TIAM1: variants seen among roughly 807,000 people sequenced by gnomAD.
The protein encoded by TIAM1 is TIAM Rac1 associated GEF 1, also known as rho guanine nucleotide exchange factor TIAM1.
TIAM1 carries 65 observed loss-of-function variants against 163.5 expected under a neutral mutation model. That is an observed-to-expected ratio of 0.40 (90% CI 0.33 to 0.49). The LOEUF (loss-of-function observed/expected upper bound fraction) is 0.49. Ranked by LOEUF, TIAM1 falls within the 20% of genes least tolerant of loss-of-function variation. The probability of loss-of-function intolerance (pLI) is 0.77; values close to 1 mark genes in which losing one functional copy is unlikely to be tolerated. For synonymous variants in TIAM1, 833 were observed against 810.1 expected (o/e 1.03, Z -0.48); for missense variants, 1,789 against 2,044.7 (o/e 0.87, Z 2.41).
At chr21:31,404,734 T>G (rs1391910315) in intron 2 of TIAM1, among the ~76,000 whole-genome samples, 1 of 152,154 alleles carries the variant, frequency 6.6e-6, no homozygotes, top group Admixed American at 6.5e-5. Context: ...GATAATGCAG[T>G]ATAGCTAAGT....
intron 16 of TIAM1, among the ~76,000 whole-genome samples, chr21:31,163,976 G>A (rs2084067572): frequency 6.6e-6 from 1 of 152,298 alleles, no homozygotes; most frequent in African/African-American, 2.4e-5. Context: ...TTTTGCGGGG[G>A]CAGTGTCGTT....
At chr21:31,439,196 T>C (rs2044329922) in intron 2 of TIAM1, among the ~76,000 whole-genome samples, 1 of 152,194 alleles carries the variant, frequency 6.6e-6, no homozygotes, top group African/African-American at 2.4e-5. Context: ...TGATTAAAAC[T>C]AGACTTGGCC....
At chr21:31,134,107 A>G (rs1307344821) in intron 23 of TIAM1, among the ~76,000 whole-genome samples, 1 of 152,108 alleles carries the variant, frequency 6.6e-6, no homozygotes, top group East Asian at 1.9e-4. Context: ...GAAACAGAAA[A>G]GAGTTTGCCA....
chr21:31,510,230 C>G (rs1292404219), intron 1 of TIAM1, among the ~76,000 whole-genome samples: 1 of 152,212 alleles, frequency 6.6e-6, no homozygotes. Flanking sequence ...GTGGTTTCTC[C>G]TGAGGCCTCT....
At chr21:31,413,148 G>A (rs1363554169) in intron 2 of TIAM1, among the ~76,000 whole-genome samples, 1 of 151,860 alleles carries the variant, frequency 6.6e-6, no homozygotes. Flanking sequence ...TTTCTCAGAT[G>A]CTTCTGTTCC....
intron 2 of TIAM1, among the ~76,000 whole-genome samples, chr21:31,316,813 C>T (rs2075138155): frequency 1.3e-5 from 2 of 152,120 alleles, no homozygotes; most frequent in South Asian, 4.1e-4. Flanking sequence ...CTTAGGAATC[C>T]AGGCCTCTGG....
intron 8 of TIAM1, among the ~76,000 whole-genome samples, chr21:31,221,199 C>A (rs565271341): frequency 6.6e-6 from 1 of 152,168 alleles, no homozygotes; most frequent in Non-Finnish European, 1.5e-5. Context: ...CCGGGATCTT[C>A]CACAGGAGCT....
At chr21:31,446,286 G>T (rs557292655) in intron 2 of TIAM1, among the ~76,000 whole-genome samples, 27 of 152,214 alleles carry the variant, frequency 1.8e-4, no homozygotes, top group African/African-American at 6.5e-4. Context: ...TGAAATTTCT[G>T]CAGCTGAAAA....
At chr21:31,458,209 C>G (rs1459369338) in intron 2 of TIAM1, among the ~76,000 whole-genome samples, 1 of 152,144 alleles carries the variant, frequency 6.6e-6, no homozygotes, top group Admixed American at 6.5e-5. Flanking sequence ...CACCTAAGGT[C>G]AGGAGTTCAA....
chr21:31,359,517 G>A (rs879761858), intron 2 of TIAM1, among the ~76,000 whole-genome samples: 6 of 152,014 alleles, frequency 3.9e-5, no homozygotes, highest in Admixed American at 6.6e-5. Context: ...TGAAAGGGCC[G>A]GGCATGGTGG....
At chr21:31,261,021 A>G (rs2072438585) in intron 4 of TIAM1, among the ~76,000 whole-genome samples, 1 of 152,212 alleles carries the variant, frequency 6.6e-6, no homozygotes, top group East Asian at 1.9e-4. Context: ...ATTGAAGCTC[A>G]GTTGCAAAAT....
intron 2 of TIAM1, among the ~76,000 whole-genome samples, chr21:31,320,968 G>A (rs1434003823): frequency 6.6e-6 from 1 of 151,930 alleles, no homozygotes; most frequent in Non-Finnish European, 1.5e-5. Flanking sequence ...CTCCAGCCTG[G>A]GTGACAGAGT....
chr21:31,379,887 G>A (rs915571642), intron 2 of TIAM1, among the ~76,000 whole-genome samples: 30 of 152,152 alleles, frequency 2.0e-4, no homozygotes, highest in African/African-American at 5.1e-4. Flanking sequence ...AGGGAAATAC[G>A]GATGGCTGGT....
Position 31,134,017 on chromosome 21 carries a change from G to A in TIAM1, c.3883+1916C>T, listed in dbSNP as rs1036141990. On this transcript the variant is annotated intron_variant, in intron 23 of 27. Transcript: ENST00000541036. The stretch of plus-strand genomic sequence containing the variant: ...TGGGAGGCAGAGGTTGCAGTGAGCC[G>A]AGAACGCACCATTGCACTCCAGCCT... Among the ~76,000 whole-genome samples, 5 of 152,106 alleles carry A rather than the reference G, an allele frequency of 3.3e-5. No individual in the cohort carries two copies. In the East Asian group the frequency reaches 5.8e-4, roughly 18 times the overall value.
rs574012242 is a variant in TIAM1 at position 31,372,105 on chromosome 21, G to A, written c.-368-32683C>T. 3.9e-5 allele frequency among the ~76,000 whole-genome samples: 6 copies of A among 152,284 alleles called. No individual in the cohort carries two copies. In the East Asian group the frequency reaches 9.6e-4, roughly 24 times the overall value. On this transcript the variant is annotated intron_variant, in intron 2 of 28. Coordinates refer to the TIAM1 transcript ENST00000286827. Reference sequence around the variant, plus strand: ...TACTCCCAGCTCCCCAACGCGGAAGGCTCATTTTCCTCTAGTTCCACCTCA... The same window carrying A: ...TACTCCCAGCTCCCCAACGCGGAAGACTCATTTTCCTCTAGTTCCACCTCA...
chr21:31,555,423 A>T (rs1364113720), intron 1 of TIAM1, among the ~76,000 whole-genome samples: 2 of 152,218 alleles, frequency 1.3e-5, no homozygotes, highest in Non-Finnish European at 2.9e-5. Context: ...ATGTGTGTAT[A>T]TAACATACAC....
chr21:31,410,623 T>G (rs1414151845), intron 2 of TIAM1, among the ~76,000 whole-genome samples: 3 of 151,676 alleles, frequency 2.0e-5, no homozygotes, highest in African/African-American at 4.8e-5. Flanking sequence ...TGAGTGTTAG[T>G]GTGTGTCAGT....
At chr21:31,279,647 T>C (rs1039230574) in intron 2 of TIAM1, among the ~76,000 whole-genome samples, 2 of 152,224 alleles carry the variant, frequency 1.3e-5, no homozygotes, top group Non-Finnish European at 2.9e-5. Flanking sequence ...TCCTAAATCA[T>C]TGGGTTGTCA....
In TIAM1 at chr21:31,481,243, C is replaced by T. The variant is rs541090217; in HGVS notation, c.-421-17208G>A. Among the ~76,000 whole-genome samples the T allele has an allele frequency of 3.3e-5, 5 of 152,256 alleles. No homozygotes were observed. In the East Asian group the frequency reaches 7.7e-4, roughly 24 times the overall value. ...CTATACACTCAACAATAAGATTTAA[C>T]CCAGATGCCAAAGGTATAGTCAACA... On this transcript the variant is annotated intron_variant, in intron 1 of 28. Coordinates refer to the TIAM1 transcript ENST00000286827.
Sources: allele counts gnomAD v4.1 joint callset (sites outside exome capture counted in the v4.1 genomes callset), GRCh38; gene constraint gnomAD v4.1.1; transcripts MANE v1.5; gene names NCBI Gene and HGNC (gene_info 2026-07-23, HGNC 2026-07-21).